ANO3: variants seen among roughly 807,000 people sequenced by gnomAD.
ANO3 encodes the protein anoctamin 3, also known as anoctamin-3.
A neutral mutation model predicts 144.8 loss-of-function variants in ANO3; 99 were observed. The observed-to-expected ratio is 0.68, with a 90% CI of 0.58 to 0.81. The LOEUF is 0.81. Among genes scored for constraint, ANO3 ranks in the 30% least tolerant of loss-of-function variants. The probability of loss-of-function intolerance (pLI) is 0.00; values close to 1 mark genes in which losing one functional copy is unlikely to be tolerated. For synonymous variants in ANO3, 414 were observed against 392.6 expected, an observed-to-expected ratio of 1.05 and a Z score of -0.64; for missense variants, 905 against 1,202.2, an observed-to-expected ratio of 0.75 and a Z score of 3.66.
intron 1 of ANO3, among the ~76,000 whole-genome samples, chr11:26,416,420 T>TTTTC (rs1554951528): frequency 6.0e-4 from 91 of 151,966 alleles, no homozygotes; most frequent in African/African-American, 1.7e-3. Context: ...TTAGTTTTTT[T>TTTTC]TTTCTTTCTT....
chr11:26,487,823 C>T (rs540598230), intron 4 of ANO3, among the ~76,000 whole-genome samples: 61 of 152,166 alleles, frequency 4.0e-4, no homozygotes, highest in South Asian at 8.3e-4. Flanking sequence ...GTGGAAGAAA[C>T]GGATTCTAAG....
At chr11:26,408,430 A>G (rs1251689274) in intron 1 of ANO3, among the ~76,000 whole-genome samples, 3 of 152,040 alleles carry the variant, frequency 2.0e-5, no homozygotes, top group Non-Finnish European at 4.4e-5. Flanking sequence ...ATGAGATACC[A>G]TCTCACACCA....
chr11:26,572,432 T>G (rs570507588), intron 14 of ANO3, among the ~76,000 whole-genome samples: 24 of 152,054 alleles, frequency 1.6e-4, no homozygotes, highest in African/African-American at 5.5e-4. Flanking sequence ...GGACAAAGAT[T>G]TTGGCAAAGT....
intron 14 of ANO3, among the ~76,000 whole-genome samples, chr11:26,578,576 T>G (rs1271205174): frequency 1.3e-5 from 2 of 152,168 alleles, no homozygotes; most frequent in Non-Finnish European, 2.9e-5. Flanking sequence ...CTGTTCCTGG[T>G]GGCATGAGGA....
At chr11:26,347,138 T>C (rs1855516733) in intron 1 of ANO3, among the ~76,000 whole-genome samples, 2 of 152,244 alleles carry the variant, frequency 1.3e-5, no homozygotes, top group Admixed American at 6.5e-5. Flanking sequence ...TTAATAGCTG[T>C]GTCATTTTGA....
chr11:26,592,236 C>G (rs1179453656), intron 14 of ANO3, among the ~76,000 whole-genome samples: 1 of 152,076 alleles, frequency 6.6e-6, no homozygotes, highest in East Asian at 1.9e-4. Flanking sequence ...GGCCACAGAG[C>G]AGGCCATGCG....
intron 4 of ANO3, among the ~76,000 whole-genome samples, chr11:26,501,307 C>A (rs1861184484): frequency 6.6e-6 from 1 of 152,130 alleles, no homozygotes; most frequent in African/African-American, 2.4e-5. Context: ...CAGAGTCACG[C>A]CCTGCTTCCT....
At chr11:26,430,243 T>G (rs1858043112) in intron 1 of ANO3, among the ~76,000 whole-genome samples, 2 of 62,796 alleles carry the variant, frequency 3.2e-5, no homozygotes, top group Non-Finnish European at 7.0e-5. Flanking sequence ...CCCAAGCAAC[T>G]GTCTAAAAAA....
intron 3 of ANO3, among the ~76,000 whole-genome samples, chr11:26,446,336 TTCC>T (rs1444890639): frequency 6.6e-6 from 1 of 152,202 alleles, no homozygotes; most frequent in Non-Finnish European, 1.5e-5. Context: ...GAGTACCAGG[TTCC>T]TGCATTGGGC....
chr11:26,599,806 T>C, intron 17 of ANO3, 92 bp downstream of exon 17: 1 of 1,198,532 alleles, frequency 8.3e-7, no homozygotes, highest in Non-Finnish European at 1.1e-6. Flanking sequence ...TGTATTTACA[T>C]GGAGCCAAAA....
intron 1 of ANO3, among the ~76,000 whole-genome samples, chr11:26,388,883 G>A (rs1050365029): frequency 1.4e-4 from 22 of 151,952 alleles, no homozygotes; most frequent in African/African-American, 4.8e-4. Flanking sequence ...CTGTACACAC[G>A]TTTACTACAC....
intron 1 of ANO3, among the ~76,000 whole-genome samples, chr11:26,363,255 T>C (rs12790164): frequency 0.12 from 18,867 of 152,210 alleles, 1,326 homozygotes; most frequent in Admixed American, 0.19. Context: ...CATATACAAA[T>C]CTTAATTTGT....
rs1231286734 is a variant in ANO3 at position 26,661,408 on chromosome 11, T to G, written c.*964T>G. The G allele has an allele frequency of 2.0e-5, 3 of 152,584 alleles. No homozygotes were observed. Among genetic ancestry groups the G allele is most frequent in the African/African-American group, 7.2e-5 (3 of 41,456 alleles). The allele number at this position is 152,584 out of a possible 1,614,324, so 9.5% of individuals were successfully genotyped here. A position where few individuals can be genotyped will look rare whatever the true frequency, so the allele number is the denominator to read the frequency against. ...GACAGTACGTAGTATACATTGTGGT[T>G]TATGCAGCTCTGACACCAGTTTTTG... On this transcript the variant is annotated 3_prime_UTR_variant, in exon 27 of 27. Coordinates refer to ENST00000256737, the MANE Select transcript of ANO3 (RefSeq NM_031418.4).
upstream of ANO3, among the ~76,000 whole-genome samples, chr11:26,306,125 A>ATTTTTT (rs57674074): frequency 1.4e-4 from 16 of 112,970 alleles, no homozygotes; most frequent in South Asian, 3.2e-4. Context: ...AGCCCGGATA[A>ATTTTTT]TTTTTTTTTT....
At chr11:26,628,566 C>A (rs536555016) in intron 18 of ANO3, among the ~76,000 whole-genome samples, 1 of 152,148 alleles carries the variant, frequency 6.6e-6, no homozygotes, top group Non-Finnish European at 1.5e-5. Context: ...GTGAATGGCA[C>A]GGTGTTGAAA....
chr11:26,423,311 T>TTTTA (rs1554952362), intron 1 of ANO3, among the ~76,000 whole-genome samples: 1 of 104,736 alleles, frequency 9.5e-6, no homozygotes, highest in Non-Finnish European at 1.8e-5. Context: ...CCTTTATACT[T>TTTTA]TTTTTTTTTT....
intron 4 of ANO3, among the ~76,000 whole-genome samples, chr11:26,472,351 G>A (rs947144337): frequency 6.6e-6 from 1 of 151,838 alleles, no homozygotes; most frequent in South Asian, 2.1e-4. Flanking sequence ...ATCTTAACAG[G>A]GATTTTAATG....
intron 17 of ANO3, among the ~76,000 whole-genome samples, chr11:26,603,728 C>T (rs1244099527): frequency 2.6e-5 from 4 of 152,020 alleles, no homozygotes; most frequent in Non-Finnish European, 5.9e-5. Flanking sequence ...CAATATTGGT[C>T]CCTCAATAGT....
At chr11:26,253,313 A>C (rs1041487237) in intron 1 of ANO3, among the ~76,000 whole-genome samples, 5 of 152,228 alleles carry the variant, frequency 3.3e-5, no homozygotes, top group African/African-American at 9.6e-5. Context: ...CAGAAAATCG[A>C]ATACCACAGG....
Sources: gnomAD v4.1 joint callset for allele counts (sites outside exome capture counted in the v4.1 genomes callset) on GRCh38, gnomAD v4.1.1 for gene constraint, MANE v1.5 for transcripts, NCBI Gene and HGNC (gene_info 2026-07-23, HGNC 2026-07-21) for gene names.